Variants in ACYP2 observed in about 807,000 individuals in gnomAD.
ACYP2 encodes the protein acylphosphatase-2.
In ACYP2, 12 loss-of-function variants were observed where a neutral mutation model predicts 11.2. The observed-to-expected ratio is 1.08, with a 90% CI of 0.69 to 1.74. ACYP2 has a LOEUF of 1.74. ACYP2 is among the 40% of genes most tolerant of loss of function. The pLI is 0.00. For missense variants in ACYP2, 134 were observed against 101.9 expected (o/e 1.31, Z -1.35); for synonymous variants, 43 against 32.2 (o/e 1.33, Z -1.13).
chr2:54,048,678 G>C (rs1675660345), intron 2 of ACYP2, among the ~76,000 whole-genome samples: 2 of 152,162 alleles, frequency 1.3e-5, no homozygotes, highest in Admixed American at 1.3e-4. Context: ...CATTTTTTAA[G>C]TGTATAGTTC....
chr2:54,230,501 C>T (rs1459331808), intron 6 of ACYP2, among the ~76,000 whole-genome samples: 1 of 152,084 alleles, frequency 6.6e-6, no homozygotes, highest in Non-Finnish European at 1.5e-5. Flanking sequence ...GGCGCCACCA[C>T]ACCCGGCTAT....
chr2:54,146,297 A>G (rs1333116170), intron 6 of ACYP2, among the ~76,000 whole-genome samples: 1 of 152,088 alleles, frequency 6.6e-6, no homozygotes, highest in African/African-American at 2.4e-5. Flanking sequence ...TCTCTTCTCC[A>G]TTTTCACAAC....
intron 2 of ACYP2, chr2:54,029,801 G>T (rs1474728370): frequency 1.8e-6 from 1 of 564,634 alleles, no homozygotes; most frequent in Non-Finnish European, 3.3e-6. Context: ...GGTGACACTT[G>T]GGGGGCATTC....
chr2:54,092,177 A>G (rs1558522168), intron 4 of ACYP2, among the ~76,000 whole-genome samples: 1 of 152,186 alleles, frequency 6.6e-6, no homozygotes, highest in African/African-American at 2.4e-5. Context: ...TTCAGTTTTG[A>G]AGATGTTGAA....
At chr2:54,176,903 G>A (rs7558688) in intron 6 of ACYP2, among the ~76,000 whole-genome samples, 336 of 152,220 alleles carry the variant, frequency 2.2e-3, no homozygotes, top group African/African-American at 7.4e-3. Flanking sequence ...CAAGGTCTCT[G>A]TTGCAACTGC....
intron 6 of ACYP2, among the ~76,000 whole-genome samples, chr2:54,218,418 T>G (rs1401690579): frequency 6.6e-6 from 1 of 152,250 alleles, no homozygotes; most frequent in South Asian, 2.1e-4. Flanking sequence ...ATTTATGTCT[T>G]GTATTCAATT....
chr2:54,180,957 C>T (rs1286982654), intron 6 of ACYP2, among the ~76,000 whole-genome samples: 1 of 152,186 alleles, frequency 6.6e-6, no homozygotes, highest in Admixed American at 6.5e-5. Context: ...GATACTCTCA[C>T]ATTGGGCATT....
intron 6 of ACYP2, among the ~76,000 whole-genome samples, chr2:54,198,956 A>G (rs1456444029): frequency 6.6e-6 from 1 of 152,166 alleles, no homozygotes; most frequent in Non-Finnish European, 1.5e-5. Flanking sequence ...GGCAAGGAAA[A>G]GGAGCTCTGG....
chr2:54,209,411 C>T (rs973469399), intron 6 of ACYP2, among the ~76,000 whole-genome samples: 1 of 152,050 alleles, frequency 6.6e-6, no homozygotes, highest in Non-Finnish European at 1.5e-5. Flanking sequence ...GGTAAGTCTC[C>T]AAGAATTTTG....
chr2:54,071,862 T>C (rs1035279588), intron 4 of ACYP2, among the ~76,000 whole-genome samples: 5 of 152,010 alleles, frequency 3.3e-5, no homozygotes, highest in African/African-American at 9.7e-5. Flanking sequence ...AATACAAAAC[T>C]TAGGTGGGCA....
chr2:53,987,938 T>C (rs1573453901), intron 2 of ACYP2, among the ~76,000 whole-genome samples: 2 of 152,166 alleles, frequency 1.3e-5, no homozygotes, highest in Non-Finnish European at 2.9e-5. Flanking sequence ...TTGTCAGATA[T>C]GTGGTTTGCA....
At chr2:54,055,912 C>T (rs1038976501) in intron 3 of ACYP2, among the ~76,000 whole-genome samples, 1 of 152,054 alleles carries the variant, frequency 6.6e-6, no homozygotes, top group Non-Finnish European at 1.5e-5. Context: ...GATATAGTAC[C>T]TCCATAGACA....
chr2:54,015,487 A>G (rs1673627322), intron 2 of ACYP2, among the ~76,000 whole-genome samples: 1 of 151,932 alleles, frequency 6.6e-6, no homozygotes, highest in Non-Finnish European at 1.5e-5. Context: ...CAGGGAAAAA[A>G]AAAATACAAA....
intron 2 of ACYP2, among the ~76,000 whole-genome samples, chr2:54,012,797 T>G (rs1447489036): frequency 1.3e-5 from 2 of 152,120 alleles, no homozygotes; most frequent in African/African-American, 2.4e-5. Context: ...AGTTTTCCTA[T>G]TAAAAGCTAA....
rs769457114 is a variant in ACYP2 at position 54,255,423 on chromosome 2, G to A, written c.405-49265G>A. ...AGAAGCCCGGGATATTGCGAATGAT[G>A]TCATTCCTCTGCTCCAGGTAGTATT... On this transcript the variant is annotated intron_variant, in intron 6 of 6. Coordinates refer to ENST00000607452, the MANE Select transcript of ACYP2 (RefSeq NM_001320586.2). 3 of 1,614,068 alleles carry A rather than the reference G, an allele frequency of 1.9e-6. No homozygotes were observed. The Admixed American group carries it at 5.0e-5, about 27-fold the overall frequency.
At chr2:54,154,968 G>T (rs55762565) in intron 6 of ACYP2, among the ~76,000 whole-genome samples, 1 of 151,970 alleles carries the variant, frequency 6.6e-6, no homozygotes, top group African/African-American at 2.4e-5. Context: ...ATTATTATTG[G>T]TCTGTTCAGA....
At chr2:54,141,848 AT>A in intron 6 of ACYP2, 5 of 565,188 alleles carry the variant, frequency 8.8e-6, no homozygotes, top group South Asian at 2.4e-5. Context: ...GTATTTATTT[AT>A]TTTTTGAGAC....
At position 54,199,835 on chromosome 2, in the gene ACYP2, G is replaced by T. The variant is rs545227553; in HGVS notation, c.404+61087G>T. Among the ~76,000 whole-genome samples the T allele has an allele frequency of 1.8e-4, 28 of 152,358 alleles. No homozygotes were observed. In the South Asian group the frequency reaches 4.8e-3, roughly 26 times the overall value. ...GTGCCTTTAACCACTGCACTGCACTGTTCTGTCATGCGGGACCCACGCTGA... is the reference window on the plus strand; with the variant it reads ...GTGCCTTTAACCACTGCACTGCACTTTTCTGTCATGCGGGACCCACGCTGA... On this transcript the variant is annotated intron_variant, in intron 6 of 6. Transcript: ENST00000607452.
chr2:54,227,279 T>G (rs1177237361), intron 6 of ACYP2, among the ~76,000 whole-genome samples: 1 of 152,220 alleles, frequency 6.6e-6, no homozygotes. Flanking sequence ...TATTCGAGTC[T>G]TATTTTTAAG....
Sources: gnomAD v4.1 joint callset for allele counts (sites outside exome capture counted in the v4.1 genomes callset) on GRCh38, gnomAD v4.1.1 for gene constraint, MANE v1.5 for transcripts, NCBI Gene and HGNC (gene_info 2026-07-23, HGNC 2026-07-21) for gene names.